The following CALN1 variants were observed in gnomAD, a reference collection of about 807,000 sequenced individuals.
The protein encoded by CALN1 is calcium-binding protein 8.
CALN1 carries 17 observed loss-of-function variants against 30.6 expected under a neutral mutation model. The observed-to-expected ratio is 0.56, with a 90% CI of 0.38 to 0.83. The LOEUF (loss-of-function observed/expected upper bound fraction) is 0.83, where lower values mean the gene tolerates loss of function less well. Ranked by LOEUF, CALN1 falls within the 40% of genes least tolerant of loss-of-function variation. CALN1 has a pLI of 0.00. For missense variants in CALN1, 291 were observed against 354.9 expected, an observed-to-expected ratio of 0.82 and a Z score of 1.45; for synonymous variants, 156 against 131.4, an observed-to-expected ratio of 1.19 and a Z score of -1.28.
At chr7:72,298,532 C>T (rs1028435729) in intron 2 of CALN1, among the ~76,000 whole-genome samples, 5 of 152,162 alleles carry the variant, frequency 3.3e-5, no homozygotes, top group Admixed American at 6.5e-5. Context: ...TTGGGGTCTA[C>T]TTGGGCCTGT....
chr7:72,216,644 T>C (rs376825225), intron 3 of CALN1, among the ~76,000 whole-genome samples: 1 of 151,992 alleles, frequency 6.6e-6, no homozygotes. Flanking sequence ...GTTCTAGACA[T>C]AGAGAACAGT....
chr7:72,138,862 G>C (rs1029668852), intron 3 of CALN1, among the ~76,000 whole-genome samples: 2 of 151,548 alleles, frequency 1.3e-5, no homozygotes, highest in Non-Finnish European at 2.9e-5. Context: ...AAAACATGCT[G>C]GAACACATTT....
chr7:71,949,373 C>G (rs896070493), intron 5 of CALN1, among the ~76,000 whole-genome samples: 1 of 152,010 alleles, frequency 6.6e-6, no homozygotes, highest in African/African-American at 2.4e-5. Flanking sequence ...CCAATGGAAA[C>G]CTCGAGAGGG....
chr7:71,851,353 T>TAA (rs56093333), intron 5 of CALN1, among the ~76,000 whole-genome samples: 9 of 149,240 alleles, frequency 6.0e-5, no homozygotes, highest in South Asian at 4.3e-4. Flanking sequence ...CCATCTCTAC[T>TAA]AAAAAAAATA....
chr7:72,270,007 CAGAT>C (rs1277073959), intron 3 of CALN1, among the ~76,000 whole-genome samples: 7 of 151,894 alleles, frequency 4.6e-5, no homozygotes, highest in African/African-American at 1.4e-4. Flanking sequence ...AATGATTAAA[CAGAT>C]AGGGTATCTC....
intron 3 of CALN1, among the ~76,000 whole-genome samples, chr7:72,134,471 A>G (rs1207816736): frequency 1.3e-5 from 2 of 152,334 alleles, no homozygotes; most frequent in Non-Finnish European, 2.9e-5. Context: ...GACTACTACA[A>G]TAAAGCAAGT....
chr7:72,292,158 C>T (rs748157487), intron 2 of CALN1, among the ~76,000 whole-genome samples: 2 of 152,022 alleles, frequency 1.3e-5, no homozygotes, highest in Non-Finnish European at 2.9e-5. Flanking sequence ...ATCGCAATTA[C>T]TCTTGCACCA....
At chr7:72,452,582 A>T in the CALN1 span, among the ~76,000 whole-genome samples, 1 of 152,086 alleles carries the variant, frequency 6.6e-6, no homozygotes, top group Non-Finnish European at 1.5e-5. Flanking sequence ...CCGGAAGCAG[A>T]TGTTTGTGTC....
intron 5 of CALN1, among the ~76,000 whole-genome samples, chr7:71,985,765 T>A (rs551525359): frequency 5.6e-4 from 85 of 151,788 alleles, no homozygotes; most frequent in Non-Finnish European, 9.7e-4. Context: ...AATTTTTGTA[T>A]TTTTGATAGA....
rs557137062 is a variant in CALN1 at position 71,924,514 on chromosome 7, A to C, written c.501+99143T>G. 1.6e-3 allele frequency among the ~76,000 whole-genome samples: 246 copies of C among 152,290 alleles called. 1 individual carries two copies. Among genetic ancestry groups the C allele is most frequent in the Non-Finnish European group, 1.0e-3 (70 of 68,016 alleles). On this transcript the variant is annotated intron_variant, in intron 5 of 6. Coordinates refer to ENST00000395275, the MANE Select transcript of CALN1 (RefSeq NM_031468.4). ...CATCTGAAGAACCAGAACACACCCA[A>C]TACGCTTGAAGTTATAGATGGGGTC...
At chr7:71,797,269 A>T (rs975132794) in intron 6 of CALN1, among the ~76,000 whole-genome samples, 4 of 152,112 alleles carry the variant, frequency 2.6e-5, no homozygotes, top group Non-Finnish European at 5.9e-5. Flanking sequence ...GGGTGCAGGG[A>T]TGTTAAAAAA....
intron 4 of CALN1, among the ~76,000 whole-genome samples, chr7:72,101,278 A>G (rs917203053): frequency 1.3e-4 from 20 of 152,308 alleles, no homozygotes; most frequent in African/African-American, 4.6e-4. Context: ...GAGCAGAATC[A>G]AAGACCCAAA....
At chr7:72,205,551 A>AAAAAAAAATATATACATATATATACAC in intron 3 of CALN1, among the ~76,000 whole-genome samples, 1 of 83,048 alleles carries the variant, frequency 1.2e-5, no homozygotes, top group African/African-American at 7.5e-5. Context: ...GCAAAAAAAA[A>AAAAAAAAATATATACATATATATACAC]ATATATATAT....
chr7:72,106,132 C>A lies in CALN1; in HGVS notation c.388+19G>T. The A allele has an allele frequency of 6.2e-7, 1 of 1,611,750 alleles. No homozygotes were observed. Among genetic ancestry groups the A allele is most frequent in the Non-Finnish European group, 8.5e-7 (1 of 1,178,804 alleles). ...ACCGGGGCATGTCTCAGGGGAGAAGCTGCTTGTCCGGGTCTTACCGTCCAT... is the reference window on the plus strand; with the variant it reads ...ACCGGGGCATGTCTCAGGGGAGAAGATGCTTGTCCGGGTCTTACCGTCCAT... On this transcript the variant is annotated intron_variant, in intron 4 of 6. Transcript: ENST00000395275.
chr7:72,250,621 A>C (rs1795487017), intron 3 of CALN1, among the ~76,000 whole-genome samples: 1 of 152,018 alleles, frequency 6.6e-6, no homozygotes, highest in Non-Finnish European at 1.5e-5. Flanking sequence ...ATCCCTCATG[A>C]ATGGTTTGGT....
intron 2 of CALN1, among the ~76,000 whole-genome samples, chr7:72,402,089 G>T (rs915886942): frequency 6.6e-6 from 1 of 152,172 alleles, no homozygotes; most frequent in Non-Finnish European, 1.5e-5. Context: ...CTCTGAGCCT[G>T]CCCTTCAGCA....
chr7:71,965,077 G>C (rs1378477666), intron 5 of CALN1, among the ~76,000 whole-genome samples: 1 of 152,100 alleles, frequency 6.6e-6, no homozygotes, highest in Non-Finnish European at 1.5e-5. Context: ...CCCCAGGCTA[G>C]AGTGCAGTGG....
intron 5 of CALN1, among the ~76,000 whole-genome samples, chr7:71,997,296 A>C (rs1178365427): frequency 6.6e-6 from 1 of 152,198 alleles, no homozygotes; most frequent in Non-Finnish European, 1.5e-5. Flanking sequence ...AAACTGAAAA[A>C]AATCAAAATG....
At chr7:72,283,774 G>C (rs920256498) in intron 2 of CALN1, among the ~76,000 whole-genome samples, 2 of 152,192 alleles carry the variant, frequency 1.3e-5, no homozygotes, top group Non-Finnish European at 2.9e-5. Context: ...GAGGGATCAG[G>C]TGTGAGCAGC....
Sources: gnomAD v4.1 joint callset for allele counts (sites outside exome capture counted in the v4.1 genomes callset) on GRCh38, gnomAD v4.1.1 for gene constraint, MANE v1.5 for transcripts, NCBI Gene and HGNC (gene_info 2026-07-23, HGNC 2026-07-21) for gene names.